Variants in PML observed in about 807,000 individuals in gnomAD.
The protein encoded by PML is protein PML.
Under a neutral mutation model 65.2 loss-of-function variants are expected in PML, and 28 were observed. The ratio of observed to expected loss-of-function variants is 0.43; its 90% CI spans 0.32 to 0.59. The LOEUF (loss-of-function observed/expected upper bound fraction) is 0.59. Among genes scored for constraint, PML ranks in the 20% least tolerant of loss-of-function variants. The pLI is 0.08. For synonymous variants in PML, 500 were observed against 508.8 expected (o/e 0.98, Z 0.23); for missense variants, 1,021 against 1,203.4 (o/e 0.85, Z 2.24).
rs773971120 is a variant in PML at position 74,023,414 on chromosome 15, C to G, written c.1183+6C>G. 2 of 1,594,734 alleles carry G rather than the reference C, an allele frequency of 1.3e-6. No individual in the cohort carries two copies. The highest frequency in any genetic ancestry group is 1.7e-6 in the Non-Finnish European group (2 of 1,177,246). ...TTGCATCACCCAGGGGAAAGGTAAG[C>G]ACGCACGCCACCTTCCTGGGCGGCC... is the stretch of plus-strand genomic sequence containing the variant. On this transcript the variant is annotated splice_donor_region_variant and intron_variant, in intron 3 of 8. Transcript: ENST00000268058.
Position 73,994,832 on chromosome 15 carries a change from G to A in PML, c.20G>A (p.Arg7Gln). The change falls in exon 1 of 9, where the codon CGA (arginine) becomes CAA (glutamine). Residue 7 changes from arginine (R) to glutamine (Q), a missense_variant. Physicochemically the swap from Arg to Gln is conservative, Grantham distance 43 (BLOSUM62 1). Transcript: ENST00000268058. MEPAPA[R>Q]SPRPQQDPAR... is the part of the protein sequence containing the mutation. ...GGGTCCATGGAGCCTGCACCCGCCC[G>A]ATCTCCGAGGCCCCAGCAGGACCCC... 6.4e-7 allele frequency: 1 copy of A among 1,557,682 alleles called. No individual in the cohort carries two copies. The highest frequency in any genetic ancestry group is 8.7e-7 in the Non-Finnish European group (1 of 1,150,604).
chr15:73,998,535 G>T, intron 2 of PML, 59 bp downstream of exon 2: 1 of 1,434,322 alleles, frequency 7.0e-7, no homozygotes, highest in South Asian at 1.2e-5. Flanking sequence ...AGGGCGAGAG[G>T]AGCAAAGATC....
intron 2 of PML, among the ~76,000 whole-genome samples, chr15:74,010,768 T>C (rs1281000474): frequency 6.6e-6 from 1 of 152,144 alleles, no homozygotes; most frequent in African/African-American, 2.4e-5. Flanking sequence ...ACTTGTACTC[T>C]ATGGCAAGAA....
At chr15:74,001,038 G>A (rs150769996) in intron 2 of PML, among the ~76,000 whole-genome samples, 1 of 152,224 alleles carries the variant, frequency 6.6e-6, no homozygotes, top group East Asian at 1.9e-4. Flanking sequence ...TTTGGCTCTT[G>A]TGTCAGATTT....
chr15:74,016,576 T>G (rs1257274016), intron 2 of PML, among the ~76,000 whole-genome samples: 2 of 152,018 alleles, frequency 1.3e-5, no homozygotes, highest in Non-Finnish European at 2.9e-5. Flanking sequence ...GAATTGATTA[T>G]AGAAAGTTTA....
chr15:74,033,772 A>C, intron 6 of PML: 1 of 586,688 alleles, frequency 1.7e-6, no homozygotes, highest in Non-Finnish European at 3.0e-6. Flanking sequence ...AGGAAACTGG[A>C]CTCCCCATGA....
chr15:74,033,018 G>A (rs1193363339), intron 5 of PML, 138 bp from the exon 6 acceptor site: 10 of 906,868 alleles, frequency 1.1e-5, no homozygotes, highest in Non-Finnish European at 1.6e-5. Context: ...GAAGAGAGAC[G>A]TAATCTGCGT....
chr15:74,006,708 C>T (rs1301701014), intron 2 of PML, among the ~76,000 whole-genome samples: 1 of 152,170 alleles, frequency 6.6e-6, no homozygotes, highest in Non-Finnish European at 1.5e-5. Context: ...GTTTATTTGG[C>T]TCATGTTCTG....
chr15:73,998,298 G>C lies in PML; in HGVS notation c.424G>C (p.Glu142Gln), dbSNP rs1567115731. ...AGAGTCGGCCGACTTCTGGTGCTTT[G>C]AGTGCGAGCAGCTCCTCTGCGCCAA... ...CKESADFWCF[E>Q]CEQLLCAKCF... Residue 142 changes from glutamate (E) to glutamine (Q), a missense_variant, in exon 2 of 9, where the codon GAG becomes CAG. Transcript: ENST00000268058. 1.2e-6 allele frequency: 2 copies of C among 1,614,184 alleles called. No homozygotes were observed. The highest frequency in any genetic ancestry group is 2.2e-5 in the South Asian group (2 of 91,086).
At chr15:74,034,650 G>T in intron 7 of PML, 120 bp downstream of exon 7, 2 of 1,604,666 alleles carry the variant, frequency 1.2e-6, no homozygotes, top group Non-Finnish European at 1.7e-6. Flanking sequence ...TTCCAGTGAG[G>T]CATTGAGTCC....
At chr15:73,999,309 A>G (rs760887173) in intron 2 of PML, among the ~76,000 whole-genome samples, 2 of 152,234 alleles carry the variant, frequency 1.3e-5, no homozygotes, top group African/African-American at 4.8e-5. Context: ...TTGTTCATAG[A>G]AGGCGCTTCT....
chr15:74,023,477 G>T, intron 3 of PML, 69 bp downstream of exon 3: 1 of 1,227,614 alleles, frequency 8.1e-7, no homozygotes, highest in South Asian at 1.3e-5. Flanking sequence ...CGAGTCAGAA[G>T]AGATCATCTC....
chr15:73,998,406 C>G lies in PML; in HGVS notation c.532C>G (p.Leu178Val), dbSNP rs1353498874. The G allele has an allele frequency of 6.2e-7, 1 of 1,614,024 alleles. No homozygotes were observed. Among genetic ancestry groups the G allele is most frequent in the Non-Finnish European group, 8.5e-7 (1 of 1,179,916 alleles). Residue 178 changes from leucine to valine, a missense_variant, in exon 2 of 9, where the codon CTG becomes GTG. Transcript: ENST00000268058. ...ELRNQSVREF[L>V]DGTRKTNNIF... ...GCGCAACCAGTCGGTGCGTGAGTTC[C>G]TGGACGGCACCCGCAAGACCAACAA...
intron 2 of PML, among the ~76,000 whole-genome samples, chr15:74,017,033 G>A (rs996059489): frequency 1.6e-4 from 24 of 151,310 alleles, no homozygotes; most frequent in Non-Finnish European, 2.9e-4. Context: ...TCCTGACCTC[G>A]TGATCCACCC....
chr15:74,034,270 G>C lies in PML; in HGVS notation c.1658-208G>C, dbSNP rs139280550. 186 of 662,598 alleles carry C rather than the reference G, an allele frequency of 2.8e-4. No homozygotes were observed. The East Asian group carries it at 4.6e-3, about 16-fold the overall frequency. The allele number at this position is 662,598 out of a possible 1,614,324, so 41.0% of individuals were successfully genotyped here. A position where few individuals can be genotyped will look rare whatever the true frequency, so the allele number is the denominator to read the frequency against. ...AATATTCATAGATAAGGCACAGCAAGAAATTATGGAAACCCATTTGTGAAT... is the reference window on the plus strand; with the variant it reads ...AATATTCATAGATAAGGCACAGCAACAAATTATGGAAACCCATTTGTGAAT... On this transcript the variant is annotated intron_variant, in intron 6 of 8. Coordinates refer to ENST00000268058, the MANE Select transcript of PML (RefSeq NM_033238.3).
At chr15:74,014,951 C>T (rs2070502329) in intron 2 of PML, among the ~76,000 whole-genome samples, 1 of 152,126 alleles carries the variant, frequency 6.6e-6, no homozygotes, top group Non-Finnish European at 1.5e-5. Flanking sequence ...TATGGATACA[C>T]CAGCCATATG....
intron 2 of PML, among the ~76,000 whole-genome samples, chr15:74,008,446 C>T (rs1300364900): frequency 6.6e-6 from 1 of 152,172 alleles, no homozygotes; most frequent in Non-Finnish European, 1.5e-5. Context: ...CTGTTGAAAA[C>T]CCATTGATGG....
intron 2 of PML, among the ~76,000 whole-genome samples, chr15:74,003,156 A>G (rs1378312781): frequency 1.3e-5 from 2 of 152,014 alleles, no homozygotes; most frequent in East Asian, 3.9e-4. Context: ...AAAGTGGGCC[A>G]GGCGCAGTGG....
rs773758555 is a variant in PML, at chr15:73,997,965, G to A, written c.130-39G>A. On this transcript the variant is annotated intron_variant, in intron 1 of 8. Coordinates refer to ENST00000268058, the MANE Select transcript of PML (RefSeq NM_033238.3). The stretch of plus-strand genomic sequence containing the variant: ...GTTGGCCGGTAGGTGGGGGCTTTTG[G>A]GACTTCTCCAGGCCTCACCTGCCTC... 6 of 1,583,188 alleles carry A rather than the reference G, an allele frequency of 3.8e-6. No homozygotes were observed. The Admixed American group carries it at 1.0e-4, about 26-fold the overall frequency.
Sources: gnomAD v4.1 joint callset for allele counts (sites outside exome capture counted in the v4.1 genomes callset) on GRCh38, gnomAD v4.1.1 for gene constraint, MANE v1.5 for transcripts, NCBI Gene and HGNC (gene_info 2026-07-23, HGNC 2026-07-21) for gene names.